The following ZNF587B variants were observed in gnomAD, a reference collection of about 807,000 sequenced individuals.
The protein encoded by ZNF587B is zinc finger protein 587B.
Under a neutral mutation model 7.2 loss-of-function variants are expected in ZNF587B, and 6 were observed. That is an observed-to-expected ratio of 0.83 (90% CI 0.46 to 1.65). The LOEUF (loss-of-function observed/expected upper bound fraction) is 1.65, where lower values mean the gene tolerates loss of function less well. ZNF587B is among the 40% of genes most tolerant of loss of function. The pLI, the probability that ZNF587B is intolerant of heterozygous loss-of-function variation, is 0.01. For missense variants in ZNF587B, 749 were observed against 761.0 expected, an observed-to-expected ratio of 0.98 and a Z score of 0.19; for synonymous variants, 274 against 254.3, an observed-to-expected ratio of 1.08 and a Z score of -0.74.
At chr19:57,831,496 G>A (rs1342741351) in intron 1 of ZNF587B, among the ~76,000 whole-genome samples, 3 of 151,966 alleles carry the variant, frequency 2.0e-5, no homozygotes, top group African/African-American at 7.3e-5. Context: ...GGGTTCAAGC[G>A]ATTCTCCTGC....
Position 57,841,906 on chromosome 19 carries a change from A to G in ZNF587B, c.1232A>G (p.Lys411Arg), listed in dbSNP as rs569217227. The change falls in exon 3 of 3, where the codon AAG becomes AGG. Residue 411 changes from lysine (K) to arginine (R), a missense_variant. This residue lies in a region of ZNF587B where 656 missense variants were observed against 596.5 expected (regional missense o/e 1.10). Coordinates refer to ENST00000594901, the MANE Select transcript of ZNF587B (RefSeq NM_001376223.1). ...QRMHTGERPYKCGDCGKSFNE... is the reference protein window; with the variant it reads ...QRMHTGERPYRCGDCGKSFNE... ...ATGCACACTGGAGAAAGACCTTACA[A>G]GTGTGGAGACTGTGGGAAATCTTTT... The G allele has an allele frequency of 1.9e-6, 3 of 1,613,930 alleles. No individual in the cohort carries two copies. The highest frequency in any genetic ancestry group is 1.7e-5 in the Admixed American group (1 of 59,982).
Position 57,830,504 on chromosome 19 carries a change from A to G in ZNF587B, c.-25A>G, listed in dbSNP as rs1392505168. 1 of 1,548,010 alleles carries G rather than the reference A, an allele frequency of 6.5e-7. No homozygotes were observed. The highest frequency in any genetic ancestry group is 8.7e-7 in the Non-Finnish European group (1 of 1,146,846). The stretch of plus-strand genomic sequence containing the variant: ...CCTGGCTGGTCACCCTCTCCTCCCA[A>G]CCCTGCTTTAAACCACGTGGTTCGA... On this transcript the variant is annotated 5_prime_UTR_variant, in exon 1 of 3. Coordinates refer to ENST00000594901, the MANE Select transcript of ZNF587B (RefSeq NM_001376223.1).
rs571216551 is a variant in ZNF587B, at chr19:57,844,572, G to T, written c.*1996G>T. ...AGCTTTCTTCACTTGTGGCCTATTTGCATAGCTGCCCAAGGCCTCCAGTGG... is the reference window on the plus strand; with the variant it reads ...AGCTTTCTTCACTTGTGGCCTATTTTCATAGCTGCCCAAGGCCTCCAGTGG... On this transcript the variant is annotated 3_prime_UTR_variant, in exon 3 of 3. Transcript: ENST00000594901. The T allele has an allele frequency of 3.1e-5, 5 of 159,134 alleles. No individual in the cohort carries two copies. The South Asian group carries it at 7.5e-4, about 24-fold the overall frequency. The allele number at this position is 159,134 out of a possible 1,614,324, so 9.9% of individuals were successfully genotyped here.
At chr19:57,830,611 A>G in intron 1 of ZNF587B, 47 bp downstream of exon 1, 1 of 1,543,258 alleles carries the variant, frequency 6.5e-7, no homozygotes, top group South Asian at 1.2e-5. Context: ...ATCATCACCC[A>G]AAAGCCTGTA....
At chr19:57,839,297 G>C in intron 2 of ZNF587B, 148 bp downstream of exon 2, 8 of 1,309,696 alleles carry the variant, frequency 6.1e-6, no homozygotes, top group Non-Finnish European at 8.3e-6. Flanking sequence ...GGACTGAGGT[G>C]TACATACTGC....
intron 2 of ZNF587B, among the ~76,000 whole-genome samples, chr19:57,840,075 C>CAAAAAAAAAAAA (rs774635301): frequency 1.2e-5 from 1 of 81,112 alleles, no homozygotes; most frequent in African/African-American, 4.5e-5. Flanking sequence ...ACTCTGTCTC[C>CAAAAAAAAAAAA]AAAAAAAAAA....
rs1361261956 is a variant in ZNF587B at position 57,830,441 on chromosome 19, A to G, written c.-88A>G. 1 of 1,445,388 alleles carries G rather than the reference A, an allele frequency of 6.9e-7. No homozygotes were observed. Among genetic ancestry groups the G allele is most frequent in the Non-Finnish European group, 9.4e-7 (1 of 1,060,622 alleles). The allele number at this position is 1,445,388 out of a possible 1,614,324, so 89.5% of individuals were successfully genotyped here. On this transcript the variant is annotated 5_prime_UTR_variant, in exon 1 of 3. Coordinates refer to ENST00000594901, the MANE Select transcript of ZNF587B (RefSeq NM_001376223.1). ...TCTGTGACGGCGCCAAGCGTGACCC[A>G]CCCCTGGGCCAGGATAGGGACCGTC...
At position 57,843,628 on chromosome 19, in the gene ZNF587B, A is replaced by C; in HGVS notation, c.*1052A>C. The C allele has an allele frequency of 1.2e-6, 1 of 800,574 alleles. No homozygotes were observed. The highest frequency in any genetic ancestry group is 1.5e-6 in the Non-Finnish European group (1 of 684,508). The allele number at this position is 800,574 out of a possible 1,614,324, so 49.6% of individuals were successfully genotyped here. On this transcript the variant is annotated 3_prime_UTR_variant, in exon 3 of 3. Transcript: ENST00000594901. ...TTTTTTTTTTTTTTTTTTGGAGACAAAGTTTCACTGTCACCGATACTGGAG... is the reference window on the plus strand; with the variant it reads ...TTTTTTTTTTTTTTTTTTGGAGACACAGTTTCACTGTCACCGATACTGGAG...
rs918462817 is a variant in ZNF587B, at chr19:57,843,395, A to G, written c.*819A>G. ...TGGCATCTGTATTATATTTTTTACTATGCCCTGTTATCTTGCTAGACTTAT... is the reference window on the plus strand; with the variant it reads ...TGGCATCTGTATTATATTTTTTACTGTGCCCTGTTATCTTGCTAGACTTAT... On this transcript the variant is annotated 3_prime_UTR_variant, in exon 3 of 3. Coordinates refer to ENST00000594901, the MANE Select transcript of ZNF587B (RefSeq NM_001376223.1). The G allele has an allele frequency of 1.0e-6, 1 of 985,298 alleles. No homozygotes were observed. The highest frequency in any genetic ancestry group is 1.2e-6 in the Non-Finnish European group (1 of 829,906). The allele number at this position is 985,298 out of a possible 1,614,324, so 61.0% of individuals were successfully genotyped here.
In ZNF587B at chr19:57,843,360, T is replaced by G; in HGVS notation, c.*784T>G. ...CACCATGTGCCCAAATTGAAAAAAC[T>G]CCAGGCATGTGGCATCTGTATTATA... On this transcript the variant is annotated 3_prime_UTR_variant, in exon 3 of 3. Coordinates refer to ENST00000594901, the MANE Select transcript of ZNF587B (RefSeq NM_001376223.1). The G allele has an allele frequency of 1.0e-6, 1 of 985,366 alleles. No individual in the cohort carries two copies. The highest frequency in any genetic ancestry group is 1.2e-6 in the Non-Finnish European group (1 of 829,912). The allele number at this position is 985,366 out of a possible 1,614,324, so 61.0% of individuals were successfully genotyped here.
At position 57,837,320 on chromosome 19, in the gene ZNF587B, G is replaced by A. The variant is rs926566162; in HGVS notation, c.37-1703G>A. ...TGCCCAGGCTGGAGTGCAATGGCGC[G>A]ATCTTGACTCACTGCAACCTTCGCC... On this transcript the variant is annotated intron_variant, in intron 1 of 2. Transcript: ENST00000594901. 1.6e-4 allele frequency among the ~76,000 whole-genome samples: 24 copies of A among 150,734 alleles called. 1 individual carries two copies. In the East Asian group the frequency reaches 3.1e-3, roughly 20 times the overall value.
Position 57,841,533 on chromosome 19 carries a change from C to A in ZNF587B, c.859C>A (p.Gln287Lys), listed in dbSNP as rs866007726. Residue 287 changes from glutamine (Q) to lysine (K), a missense_variant, in exon 3 of 3, where the codon CAA (glutamine) becomes AAA (lysine). Transcript: ENST00000594901. ...KSFSQKSSLI[Q>K]HQQFHTGGKP... is the part of the protein sequence containing the mutation. ...TTTTAGTCAAAAGAGCAGCCTCATT[C>A]AACATCAGCAATTTCACACTGGAGG... The A allele has an allele frequency of 5.7e-6, 9 of 1,581,582 alleles. No homozygotes were observed. The African/African-American group carries it at 1.2e-4, about 21-fold the overall frequency.
At position 57,841,338 on chromosome 19, in the gene ZNF587B, C is replaced by G; in HGVS notation, c.664C>G (p.His222Asp). ...AHYSHGDSMK[H>D]FSTKHILSQH... The stretch of plus-strand genomic sequence containing the variant: ...CTATAGCCATGGAGATTCCATGAAA[C>G]ATTTTAGCACCAAACATATACTCAG... Residue 222 changes from histidine to aspartate, a missense_variant, in exon 3 of 3, where the codon CAT becomes GAT. His to Asp is a moderately conservative substitution (Grantham distance 81, BLOSUM62 -1). Around this residue, in one of 3 missense-constraint regions of ZNF587B, gnomAD observed 656 missense variants for 596.5 expected, o/e 1.10. Transcript: ENST00000594901. 1 of 1,606,984 alleles carries G rather than the reference C, an allele frequency of 6.2e-7. No individual in the cohort carries two copies.
chr19:57,842,508 G>GA lies in ZNF587B; in HGVS notation c.1842dup (p.Phe615IlefsTer2), dbSNP rs749008793. On this transcript the variant is annotated frameshift_variant, in exon 3 of 3. Transcript: ENST00000594901. LOFTEE classifies it low-confidence loss of function (END_TRUNC). ...AAAGCCTTATGGGTGTAGTGAATGT[G>GA]AAAAAAAATTTAGGAAAAGCTCTTC... The GA allele has an allele frequency of 2.4e-5, 37 of 1,561,746 alleles. No homozygotes were observed. Among genetic ancestry groups the GA allele is most frequent in the South Asian group, 3.7e-5 (3 of 81,048 alleles).
chr19:57,830,483 G>A lies in ZNF587B; in HGVS notation c.-46G>A. ...GGGACCGTCATGCCCATATCTCCTG[G>A]CTGGTCACCCTCTCCTCCCAACCCT... On this transcript the variant is annotated 5_prime_UTR_variant, in exon 1 of 3. Coordinates refer to ENST00000594901, the MANE Select transcript of ZNF587B (RefSeq NM_001376223.1). 1 of 1,547,272 alleles carries A rather than the reference G, an allele frequency of 6.5e-7. No individual in the cohort carries two copies.
intron 1 of ZNF587B, among the ~76,000 whole-genome samples, chr19:57,838,343 C>T: frequency 6.6e-6 from 1 of 151,896 alleles, no homozygotes. Context: ...TGGCTCAAGC[C>T]TGTAATCCCA....
rs1307943391 is a variant in ZNF587B at position 57,843,050 on chromosome 19, C to T, written c.*474C>T. 3 of 889,982 alleles carry T rather than the reference C, an allele frequency of 3.4e-6. No individual in the cohort carries two copies. The highest frequency in any genetic ancestry group is 4.0e-6 in the Non-Finnish European group (3 of 743,076). The allele number at this position is 889,982 out of a possible 1,614,324, so 55.1% of individuals were successfully genotyped here. A position where few individuals can be genotyped will look rare whatever the true frequency, so the allele number is the denominator to read the frequency against. On this transcript the variant is annotated 3_prime_UTR_variant, in exon 3 of 3. Coordinates refer to ENST00000594901, the MANE Select transcript of ZNF587B (RefSeq NM_001376223.1). ...TCACTCCATCACCCATGCTGGTGTGCAGTGCTGCGATCGTAGCTCACTGCA... is the reference window on the plus strand; with the variant it reads ...TCACTCCATCACCCATGCTGGTGTGTAGTGCTGCGATCGTAGCTCACTGCA...
In ZNF587B at chr19:57,842,611, G is replaced by A. The variant is rs1234340938; in HGVS notation, c.*35G>A. The A allele has an allele frequency of 3.5e-6, 5 of 1,432,316 alleles. No individual in the cohort carries two copies. The Admixed American group carries it at 1.4e-4, about 40-fold the overall frequency. The allele number at this position is 1,432,316 out of a possible 1,614,324, so 88.7% of individuals were successfully genotyped here. On this transcript the variant is annotated 3_prime_UTR_variant, in exon 3 of 3. Transcript: ENST00000594901. ...ATGAGTCCAGTCTCATTAAATACAGGAGAGCACACACCTGAGTAAGATCTT... is the reference window on the plus strand; with the variant it reads ...ATGAGTCCAGTCTCATTAAATACAGAAGAGCACACACCTGAGTAAGATCTT...
Position 57,842,620 on chromosome 19 carries a change from C to T in ZNF587B, c.*44C>T, listed in dbSNP as rs749627268. ...GTCTCATTAAATACAGGAGAGCACA[C>T]ACCTGAGTAAGATCTTGTGATTGCA... On this transcript the variant is annotated 3_prime_UTR_variant, in exon 3 of 3. Coordinates refer to ENST00000594901, the MANE Select transcript of ZNF587B (RefSeq NM_001376223.1). 3 of 1,394,716 alleles carry T rather than the reference C, an allele frequency of 2.2e-6. No individual in the cohort carries two copies. The highest frequency in any genetic ancestry group is 1.5e-5 in the African/African-American group (1 of 68,888). 86.4% of individuals were successfully genotyped at this position (1,394,716 alleles called of 1,614,324 possible).
Sources: allele counts gnomAD v4.1 joint callset (sites outside exome capture counted in the v4.1 genomes callset), GRCh38; gene constraint gnomAD v4.1.1; regional missense constraint gnomAD v4.1.1; transcripts MANE v1.5; gene names NCBI Gene and HGNC (gene_info 2026-07-23, HGNC 2026-07-21).